ASB13: variants seen among roughly 807,000 people sequenced by gnomAD.
ASB13 encodes the protein ankyrin repeat and SOCS box containing 13, also known as ankyrin repeat and SOCS box protein 13.
In ASB13, 33 loss-of-function variants were observed where a neutral mutation model predicts 28.8. That is an observed-to-expected ratio of 1.15 (90% confidence interval 0.87 to 1.53). ASB13 has a LOEUF of 1.53. Among genes scored for constraint, ASB13 ranks in the 40% most tolerant of loss-of-function variants. ASB13 has a pLI of 0.00. For missense variants in ASB13, 414 were observed against 390.1 expected, an observed-to-expected ratio of 1.06 and a Z score of -0.52; for synonymous variants, 182 against 172.9, an observed-to-expected ratio of 1.05 and a Z score of -0.41.
chr10:5,653,071 A>G, intron 1 of ASB13, 21 bp from the exon 2 acceptor site: 1 of 1,521,248 alleles, frequency 6.6e-7, no homozygotes, highest in Non-Finnish European at 8.9e-7. Context: ...AGGGGACCTC[A>G]GGCTAAGACC....
chr10:5,651,230 T>C lies in ASB13; in HGVS notation c.365A>G (p.His122Arg). Residue 122 changes from histidine to arginine, a missense_variant, in exon 3 of 6, where the codon CAC (histidine) becomes CGC (arginine). Physicochemically the swap from His to Arg is conservative, Grantham distance 29. Transcript: ENST00000357700. This position sits in a 1 kb window ranked among gnomAD's most constrained non-coding sequence, Gnocchi z 5.1. ...NPPLYTASPLHEACMSGSSEC... is the reference protein window; with the variant it reads ...NPPLYTASPLREACMSGSSEC... ...CAACTCACCGCTCATGCAGGCCTCG[T>C]GCAGGGGGGACGCTGTGTACAGGGG... 2 of 1,612,208 alleles carry C rather than the reference T, an allele frequency of 1.2e-6. No individual in the cohort carries two copies. Among genetic ancestry groups the C allele is most frequent in the African/African-American group, 1.3e-5 (1 of 74,990 alleles).
In ASB13 at chr10:5,649,029, G is replaced by A. The variant is rs1361809367; in HGVS notation, c.458C>T (p.Pro153Leu). Residue 153 changes from proline to leucine, a missense_variant, in exon 4 of 6, where the codon CCT becomes CTT. Transcript: ENST00000357700. This position sits in a 1 kb window ranked among gnomAD's most constrained non-coding sequence, Gnocchi z 6.4. ...CTCCCGGGCACAGGCAACGTGCAGA[G>A]GGGTCCCAAAATGGCAATCGTGCGC... ...LEAHDCHFGT[P>L]LHVACAREHL... is the part of the protein sequence containing the mutation. 1 of 1,614,160 alleles carries A rather than the reference G, an allele frequency of 6.2e-7. No homozygotes were observed.
chr10:5,640,366 C>T lies in ASB13; in HGVS notation c.*337G>A, dbSNP rs1387842305. On this transcript the variant is annotated 3_prime_UTR_variant, in exon 6 of 6. Transcript: ENST00000357700. ...CAGTCCCCAGCTCTGCCAGCCTCCT[C>T]TGTGCTCCCCACGCCGTCTGTCCTG... is the stretch of plus-strand genomic sequence containing the variant. 3 of 205,806 alleles carry T rather than the reference C, an allele frequency of 1.5e-5. No individual in the cohort carries two copies. Among genetic ancestry groups the T allele is most frequent in the Non-Finnish European group, 2.0e-5 (2 of 100,632 alleles). 12.7% of individuals were successfully genotyped at this position (205,806 alleles called of 1,614,324 possible). A position where few individuals can be genotyped will look rare whatever the true frequency, so the allele number is the denominator to read the frequency against.
intron 1 of ASB13, 52 bp downstream of exon 1, chr10:5,666,456 CT>C: frequency 2.4e-6 from 3 of 1,267,552 alleles, no homozygotes; most frequent in South Asian, 4.7e-5. Flanking sequence ...CGCGGCCGGC[CT>C]CAGGAGCCGG....
At position 5,641,572 on chromosome 10, in the gene ASB13, G is replaced by A. The variant is rs190288214; in HGVS notation, c.709+198C>T. Among the ~76,000 whole-genome samples the A allele has an allele frequency of 5.8e-3, 887 of 152,256 alleles. 1 individual carries two copies. The highest frequency in any genetic ancestry group is 8.4e-3 in the Non-Finnish European group (572 of 68,016). On this transcript the variant is annotated intron_variant, in intron 5 of 5. Transcript: ENST00000357700. This position sits in a 1 kb window ranked among gnomAD's most constrained non-coding sequence, Gnocchi z 8.4. The stretch of plus-strand genomic sequence containing the variant: ...CACAGCTTCTGCTGCTCCACGCCAC[G>A]GGCCACAGGGAACCCAGGGAGAGCT...
intron 1 of ASB13, among the ~76,000 whole-genome samples, chr10:5,653,767 C>A (rs183164809): frequency 0.013 from 2,036 of 152,224 alleles, 53 homozygotes; most frequent in African/African-American, 0.046. Flanking sequence ...CTGCAACCTC[C>A]GCCTCCCGGG....
chr10:5,665,679 A>G (rs912649990), intron 1 of ASB13, among the ~76,000 whole-genome samples: 2 of 152,182 alleles, frequency 1.3e-5, no homozygotes, highest in African/African-American at 4.8e-5. Context: ...TTATTTTGCA[A>G]AGTCAATTAA....
rs1384049477 is a variant in ASB13, at chr10:5,662,538, G to T, written c.43+3971C>A. Among the ~76,000 whole-genome samples the T allele has an allele frequency of 4.7e-5, 2 of 42,732 alleles. 1 individual carries two copies. Among genetic ancestry groups the T allele is most frequent in the Non-Finnish European group, 1.1e-4 (2 of 18,374 alleles). The allele number at this position is 42,732 out of a possible 152,430, so 28.0% of individuals were successfully genotyped here. A position where few individuals can be genotyped will look rare whatever the true frequency, so the allele number is the denominator to read the frequency against. ...GACTGAGACTCTGTCGAGAAGGGGG[G>T]GGGAGGGGAGGGGAGGGGAGGGGAG... On this transcript the variant is annotated intron_variant, in intron 1 of 5. Transcript: ENST00000357700.
chr10:5,646,106 G>A (rs1052456252), intron 4 of ASB13, among the ~76,000 whole-genome samples: 2 of 152,098 alleles, frequency 1.3e-5, no homozygotes, highest in Admixed American at 6.5e-5. Flanking sequence ...AGAAAGCCAC[G>A]TTCACCTCTA....
Position 5,642,062 on chromosome 10 carries a change from TC to T in ASB13, c.518-102del. 1 of 1,157,768 alleles carries T rather than the reference TC, an allele frequency of 8.6e-7. No individual in the cohort carries two copies. Among genetic ancestry groups the T allele is most frequent in the Non-Finnish European group, 1.2e-6 (1 of 812,818 alleles). The allele number at this position is 1,157,768 out of a possible 1,614,324, so 71.7% of individuals were successfully genotyped here. On this transcript the variant is annotated intron_variant, in intron 4 of 5. Transcript: ENST00000357700. The surrounding 1 kb of genome is among the most constrained non-coding windows in gnomAD (Gnocchi z 4.1). ...TCACACAGCACGGTGGCAGAAGCAATCCCCACCCAGAAGACAAAATCAGGAC... is the reference window on the plus strand; with the variant it reads ...TCACACAGCACGGTGGCAGAAGCAATCCCACCCAGAAGACAAAATCAGGAC...
chr10:5,661,850 C>T lies in ASB13; in HGVS notation c.43+4659G>A, dbSNP rs1247904714. On this transcript the variant is annotated intron_variant, in intron 1 of 5. Coordinates refer to ENST00000357700, the MANE Select transcript of ASB13 (RefSeq NM_024701.4). This position sits in a 1 kb window ranked among gnomAD's most constrained non-coding sequence, Gnocchi z 4.9. ...GTCAGAAATTTTGTTCCGAGTAAATCACCAAGGGGAGTCTGGGGTCCTGGC... is the reference window on the plus strand; with the variant it reads ...GTCAGAAATTTTGTTCCGAGTAAATTACCAAGGGGAGTCTGGGGTCCTGGC... Among the ~76,000 whole-genome samples, 1 of 152,202 alleles carries T rather than the reference C, an allele frequency of 6.6e-6. No homozygotes were observed. Among genetic ancestry groups the T allele is most frequent in the African/African-American group, 2.4e-5 (1 of 41,454 alleles).
Position 5,651,331 on chromosome 10 carries a change from C to G in ASB13, c.264G>C (p.Pro88=), listed in dbSNP as rs772831086. 1 of 1,612,792 alleles carries G rather than the reference C, an allele frequency of 6.2e-7. No homozygotes were observed. Among genetic ancestry groups the G allele is most frequent in the Non-Finnish European group, 8.5e-7 (1 of 1,179,444 alleles). The change falls in exon 3 of 6, where the codon CCG becomes CCC. Residue 88 remains proline, a synonymous_variant. Coordinates refer to ENST00000357700, the MANE Select transcript of ASB13 (RefSeq NM_024701.4). The surrounding 1 kb of genome is among the most constrained non-coding windows in gnomAD (Gnocchi z 5.1). ...TGCCCGAGGCGCAGGCATCGCAGAG[C>G]GGGGTGCTGCCGTCGATGTTGCGAG... The part of the protein sequence containing the change: ...VDARNIDGST[P]LCDACASGSI...
Position 5,661,969 on chromosome 10 carries a change from G to A in ASB13, c.43+4540C>T, listed in dbSNP as rs1189144181. Among the ~76,000 whole-genome samples the A allele has an allele frequency of 1.3e-5, 2 of 152,116 alleles. No homozygotes were observed. Among genetic ancestry groups the A allele is most frequent in the Non-Finnish European group, 2.9e-5 (2 of 68,008 alleles). ...CAGTAAGCATTCTTGAAATGGTGAG[G>A]GTGGGCCCTCCACCCTGACCCACCC... On this transcript the variant is annotated intron_variant, in intron 1 of 5. Transcript: ENST00000357700. The surrounding 1 kb of genome is among the most constrained non-coding windows in gnomAD (Gnocchi z 4.9).
chr10:5,660,588 G>C lies in ASB13; in HGVS notation c.43+5921C>G, dbSNP rs78149078. ...ACCTCGGCCTCCTCTCTCCTCAAATGGGTGCTGTGAAGACTGAAGAAAATC... is the reference window on the plus strand; with the variant it reads ...ACCTCGGCCTCCTCTCTCCTCAAATCGGTGCTGTGAAGACTGAAGAAAATC... On this transcript the variant is annotated intron_variant, in intron 1 of 5. Transcript: ENST00000357700. This position sits in a 1 kb window ranked among gnomAD's most constrained non-coding sequence, Gnocchi z 6.1. Among the ~76,000 whole-genome samples, 505 of 152,286 alleles carry C rather than the reference G, an allele frequency of 3.3e-3. 4 individuals are homozygous for C. The highest frequency in any genetic ancestry group is 0.012 in the African/African-American group (478 of 41,560).
intron 1 of ASB13, among the ~76,000 whole-genome samples, chr10:5,662,534 G>GC (rs1380518243): frequency 3.4e-5 from 1 of 29,636 alleles, no homozygotes; most frequent in Non-Finnish European, 7.9e-5. Context: ...TGTCGAGAAG[G>GC]GGGGGGGAGG....
In ASB13 at chr10:5,642,653, GTT is replaced by G; in HGVS notation, c.518-694_518-693del. ...AGTAGCTAAATATGGCTGGTTTTGG[GTT>G]TTTTTTTTTGAGACAGAGTCTCACT... On this transcript the variant is annotated intron_variant, in intron 4 of 5. Transcript: ENST00000357700. The surrounding 1 kb of genome is among the most constrained non-coding windows in gnomAD (Gnocchi z 4.1). 2.8e-5 allele frequency: 10 copies of G among 352,706 alleles called. No individual in the cohort carries two copies. Among genetic ancestry groups the G allele is most frequent in the Admixed American group, 9.3e-5 (2 of 21,436 alleles). The allele number at this position is 352,706 out of a possible 1,614,324, so 21.8% of individuals were successfully genotyped here.
chr10:5,654,582 C>T (rs1365778994), intron 1 of ASB13, among the ~76,000 whole-genome samples: 10 of 152,248 alleles, frequency 6.6e-5, no homozygotes, highest in Non-Finnish European at 1.2e-4. Flanking sequence ...TCTCAGCACC[C>T]ATCTCAGACA....
rs1376502874 is a variant in ASB13 at position 5,664,268 on chromosome 10, T to C, written c.43+2241A>G. ...TTCCCAGAGCAGCAGCAGGCAGAGC[T>C]GGAAGACCCAAGGCTGCAGGGCACA... On this transcript the variant is annotated intron_variant, in intron 1 of 5. Coordinates refer to ENST00000357700, the MANE Select transcript of ASB13 (RefSeq NM_024701.4). This position sits in a 1 kb window ranked among gnomAD's most constrained non-coding sequence, Gnocchi z 4.2. 7.3e-6 allele frequency among the ~76,000 whole-genome samples: 1 copy of C among 136,740 alleles called. No homozygotes were observed. Among genetic ancestry groups the C allele is most frequent in the Non-Finnish European group, 1.5e-5 (1 of 64,790 alleles). 89.7% of individuals were successfully genotyped at this position (136,740 alleles called of 152,430 possible). A position where few individuals can be genotyped will look rare whatever the true frequency, so the allele number is the denominator to read the frequency against.
In ASB13 at chr10:5,664,406, C is replaced by A. The variant is rs1389348382; in HGVS notation, c.43+2103G>T. On this transcript the variant is annotated intron_variant, in intron 1 of 5. Transcript: ENST00000357700. This position sits in a 1 kb window ranked among gnomAD's most constrained non-coding sequence, Gnocchi z 4.2. Reference sequence around the variant, plus strand: ...GGGATTAGGCATGGAGAACACCGAACCCACAGGTAAACAAAAAGAACACCC... The same window carrying A: ...GGGATTAGGCATGGAGAACACCGAAACCACAGGTAAACAAAAAGAACACCC... Among the ~76,000 whole-genome samples, 1 of 152,100 alleles carries A rather than the reference C, an allele frequency of 6.6e-6. No individual in the cohort carries two copies. Among genetic ancestry groups the A allele is most frequent in the Non-Finnish European group, 1.5e-5 (1 of 68,024 alleles).
Sources: allele counts gnomAD v4.1 joint callset (sites outside exome capture counted in the v4.1 genomes callset), GRCh38; gene constraint gnomAD v4.1.1; non-coding constraint Gnocchi (gnomAD v3.1); transcripts MANE v1.5; gene names NCBI Gene and HGNC (gene_info 2026-07-23, HGNC 2026-07-21).